Variants in CNTN1 observed in about 807,000 individuals in gnomAD.
The protein encoded by CNTN1 is contactin 1, also known as contactin-1.
CNTN1 carries 38 observed loss-of-function variants against 126.4 expected under a neutral mutation model. The ratio of observed to expected loss-of-function variants is 0.30; its 90% CI spans 0.23 to 0.39. The LOEUF (loss-of-function observed/expected upper bound fraction) is 0.39. CNTN1 is among the 10% of genes least tolerant of loss of function. The pLI is 1.00. For synonymous variants in CNTN1, 413 were observed against 422.6 expected, an observed-to-expected ratio of 0.98 and a Z score of 0.28; for missense variants, 1,009 against 1,248.4, an observed-to-expected ratio of 0.81 and a Z score of 2.89.
At chr12:40,937,009 C>T (rs1169939830) in intron 10 of CNTN1, 104 bp downstream of exon 10, 1 of 1,414,288 alleles carries the variant, frequency 7.1e-7, no homozygotes, top group Non-Finnish European at 1.0e-6. Flanking sequence ...AGAAAGGGCA[C>T]TTGGGCCCTG....
At chr12:40,987,895 T>G (rs1457438416) in intron 16 of CNTN1, among the ~76,000 whole-genome samples, 1 of 151,860 alleles carries the variant, frequency 6.6e-6, no homozygotes, top group Non-Finnish European at 1.5e-5. Flanking sequence ...ATTATCTTTT[T>G]AAAAATGAAA....
At chr12:40,945,733 A>C (rs571761038) in intron 14 of CNTN1, among the ~76,000 whole-genome samples, 1 of 151,968 alleles carries the variant, frequency 6.6e-6, no homozygotes, top group East Asian at 1.9e-4. Context: ...AAAAAAAAAA[A>C]CAGGAAAACA....
chr12:40,982,097 A>G (rs1002636343), intron 16 of CNTN1, among the ~76,000 whole-genome samples: 2 of 152,132 alleles, frequency 1.3e-5, no homozygotes, highest in Non-Finnish European at 2.9e-5. Flanking sequence ...CCCTCCAGGG[A>G]AATAAATCAA....
At chr12:41,015,434 T>G (rs1230602106) in intron 18 of CNTN1, among the ~76,000 whole-genome samples, 1 of 152,194 alleles carries the variant, frequency 6.6e-6, no homozygotes, top group Non-Finnish European at 1.5e-5. Flanking sequence ...CGAGAGTTGT[T>G]ATTTTTGAAA....
At chr12:40,797,550 C>T (rs1940485918) in intron 1 of CNTN1, among the ~76,000 whole-genome samples, 1 of 151,936 alleles carries the variant, frequency 6.6e-6, no homozygotes, top group South Asian at 2.1e-4. Flanking sequence ...CTGCCATGGC[C>T]TGTTGAAGAC....
At chr12:40,698,850 A>G (rs886214752) in intron 1 of CNTN1, among the ~76,000 whole-genome samples, 2 of 152,020 alleles carry the variant, frequency 1.3e-5, no homozygotes, top group Non-Finnish European at 2.9e-5. Flanking sequence ...AATTTCTTCC[A>G]TCTCCAATCT....
chr12:41,068,432 C>T (rs166806), intron 23 of CNTN1, among the ~76,000 whole-genome samples: 33,768 of 151,862 alleles, frequency 0.22, 5,643 homozygotes, highest in African/African-American at 0.47. Context: ...CTGCCCTCAC[C>T]TTTTGACCCT....
chr12:40,918,269 A>C (rs1422547073), intron 3 of CNTN1, among the ~76,000 whole-genome samples: 1 of 152,164 alleles, frequency 6.6e-6, no homozygotes, highest in Non-Finnish European at 1.5e-5. Context: ...GTTGGAACTA[A>C]CTATGGCTAG....
chr12:40,935,402 G>A (rs1479949489), intron 9 of CNTN1, among the ~76,000 whole-genome samples: 2 of 152,048 alleles, frequency 1.3e-5, no homozygotes, highest in East Asian at 1.9e-4. Context: ...AAGAACCAAG[G>A]TGACAGAGCA....
intron 1 of CNTN1, among the ~76,000 whole-genome samples, chr12:40,791,154 C>T (rs1273248564): frequency 2.0e-5 from 3 of 152,046 alleles, no homozygotes; most frequent in African/African-American, 7.2e-5. Context: ...CACATTGATG[C>T]CTATGATAGA....
intron 1 of CNTN1, among the ~76,000 whole-genome samples, chr12:40,730,611 A>G (rs1942473493): frequency 6.6e-6 from 1 of 152,164 alleles, no homozygotes; most frequent in Non-Finnish European, 1.5e-5. Flanking sequence ...TCCAATGACT[A>G]CACATCAGAT....
chr12:40,807,960 AT>A (rs1331248117), intron 1 of CNTN1, among the ~76,000 whole-genome samples: 1 of 152,168 alleles, frequency 6.6e-6, no homozygotes, highest in Non-Finnish European at 1.5e-5. Flanking sequence ...GATGAAGCAA[AT>A]TTAACCACAA....
At chr12:40,788,031 A>T (rs1940091728) in intron 1 of CNTN1, among the ~76,000 whole-genome samples, 1 of 151,944 alleles carries the variant, frequency 6.6e-6, no homozygotes, top group African/African-American at 2.4e-5. Context: ...TATTAAAAAT[A>T]AAAAAATACT....
In CNTN1 at chr12:40,849,510, C is replaced by A. The variant is rs971213217; in HGVS notation, c.-76-58847C>A. ...ATTATGCCCCAATCGAGTCTACCCT[C>A]TGATTCCCCTAATAGCAATCATGGA... is the stretch of plus-strand genomic sequence containing the variant. On this transcript the variant is annotated intron_variant, in intron 1 of 23. Coordinates refer to ENST00000551295, the MANE Select transcript of CNTN1 (RefSeq NM_001843.4). 2.0e-5 allele frequency among the ~76,000 whole-genome samples: 3 copies of A among 152,070 alleles called. No individual in the cohort carries two copies. In the South Asian group the frequency reaches 6.2e-4, roughly 31 times the overall value.
chr12:41,061,167 T>C (rs1329023211), intron 23 of CNTN1, among the ~76,000 whole-genome samples: 1 of 152,178 alleles, frequency 6.6e-6, no homozygotes. Context: ...AAAGTCCTCA[T>C]AATTATGGTC....
At chr12:40,929,023 A>C (rs1009141611) in intron 6 of CNTN1, among the ~76,000 whole-genome samples, 1 of 151,940 alleles carries the variant, frequency 6.6e-6, no homozygotes, top group Admixed American at 6.6e-5. Context: ...TTTTTGACCT[A>C]AAGGTATGCA....
intron 1 of CNTN1, among the ~76,000 whole-genome samples, chr12:40,693,469 A>G (rs1388374179): frequency 6.6e-6 from 1 of 152,216 alleles, no homozygotes; most frequent in Non-Finnish European, 1.5e-5. Flanking sequence ...CAGGAGTCAG[A>G]TTGCTGGGAG....
chr12:40,729,919 A>T (rs7312935), intron 1 of CNTN1: 30,967 of 153,638 alleles, frequency 0.2, 3,248 homozygotes, highest in Middle Eastern at 0.27. Flanking sequence ...AAAATAGCAC[A>T]TCTCAATAGT....
chr12:40,847,213 A>T (rs1347858603), intron 1 of CNTN1, among the ~76,000 whole-genome samples: 1 of 151,936 alleles, frequency 6.6e-6, no homozygotes, highest in South Asian at 2.1e-4. Flanking sequence ...TTTGTTTTCT[A>T]ATCTTAAGCA....
Sources: gnomAD v4.1 joint callset for allele counts (sites outside exome capture counted in the v4.1 genomes callset) on GRCh38, gnomAD v4.1.1 for gene constraint, MANE v1.5 for transcripts, NCBI Gene and HGNC (gene_info 2026-07-23, HGNC 2026-07-21) for gene names.